LINGO2: variants seen among roughly 807,000 people sequenced by gnomAD.
LINGO2 encodes the protein leucine rich repeat and Ig domain containing 2.
Under a neutral mutation model 30.6 loss-of-function variants are expected in LINGO2, and 14 were observed. The observed-to-expected ratio is 0.46, with a 90% CI of 0.30 to 0.72. LINGO2 has a LOEUF of 0.72. LINGO2 is among the 30% of genes least tolerant of loss of function. LINGO2 has a pLI of 0.07. For missense variants in LINGO2, 729 were observed against 751.7 expected, an observed-to-expected ratio of 0.97 and a Z score of 0.35; for synonymous variants, 317 against 288.5, an observed-to-expected ratio of 1.10 and a Z score of -1.00.
chr9:28,375,961 G>A (rs902050690), intron 2 of LINGO2, among the ~76,000 whole-genome samples: 2 of 152,064 alleles, frequency 1.3e-5, no homozygotes, highest in African/African-American at 2.4e-5. Context: ...AAGGAGAAGC[G>A]TCACTCTCTT....
At chr9:29,175,649 C>A in the LINGO2 span, among the ~76,000 whole-genome samples, 1 of 151,130 alleles carries the variant, frequency 6.6e-6, no homozygotes, top group Non-Finnish European at 1.5e-5. Flanking sequence ...GTCTCAGTCT[C>A]CTGAGTAGCT....
chr9:28,692,303 C>G, the LINGO2 span, among the ~76,000 whole-genome samples: 13 of 151,740 alleles, frequency 8.6e-5, no homozygotes, highest in Non-Finnish European at 1.9e-4. Context: ...GGTGAAACCC[C>G]GTCTCTACTA....
downstream of LINGO2, chr9:27,943,580 C>T (rs990214042): frequency 1.3e-5 from 2 of 148,998 alleles, no homozygotes; most frequent in Non-Finnish European, 3.0e-5. Context: ...AATGGTAAGT[C>T]TTAACTTTTA....
At chr9:28,773,103 C>T in the LINGO2 span, among the ~76,000 whole-genome samples, 9 of 152,168 alleles carry the variant, frequency 5.9e-5, no homozygotes, top group Non-Finnish European at 1.2e-4. Flanking sequence ...CGGTGGCTCA[C>T]ACCTGAAATC....
At chr9:28,531,134 A>C (rs1821223313) in intron 1 of LINGO2, among the ~76,000 whole-genome samples, 1 of 151,182 alleles carries the variant, frequency 6.6e-6, no homozygotes, top group South Asian at 2.1e-4. Flanking sequence ...CAGTAACTGA[A>C]ATAATTAAAA....
the LINGO2 span, among the ~76,000 whole-genome samples, chr9:28,699,070 A>AACAAAACAAAACAAC: frequency 9.9e-5 from 15 of 151,688 alleles, no homozygotes; most frequent in African/African-American, 3.4e-4. Flanking sequence ...AACAAAACAA[A>AACAAAACAAAACAAC]ACAACAAAAA....
the LINGO2 span, among the ~76,000 whole-genome samples, chr9:29,079,768 C>A: frequency 1.3e-5 from 2 of 149,704 alleles, no homozygotes; most frequent in African/African-American, 5.0e-5. Context: ...CCAAAGACAC[C>A]CTGTAGTGCA....
intron 4 of LINGO2, among the ~76,000 whole-genome samples, chr9:28,292,889 G>T (rs10968443): frequency 1.3e-5 from 2 of 151,946 alleles, no homozygotes; most frequent in South Asian, 4.2e-4. Context: ...TCCTGTCTCA[G>T]CCTCCTGAGT....
At chr9:28,185,195 A>G (rs1819498937) in intron 4 of LINGO2, among the ~76,000 whole-genome samples, 1 of 152,174 alleles carries the variant, frequency 6.6e-6, no homozygotes, top group Non-Finnish European at 1.5e-5. Context: ...TGGTAGTGCT[A>G]ACACAGTCAA....
chr9:29,137,622 C>T, the LINGO2 span, among the ~76,000 whole-genome samples: 3 of 152,086 alleles, frequency 2.0e-5, no homozygotes, highest in African/African-American at 4.8e-5. Flanking sequence ...ATTTGTTCTA[C>T]AACATAATAA....
the LINGO2 span, among the ~76,000 whole-genome samples, chr9:29,166,954 G>C: frequency 6.6e-6 from 1 of 151,968 alleles, no homozygotes; most frequent in Admixed American, 6.6e-5. Context: ...ATGAGAAAGA[G>C]GGCTCACTTT....
At chr9:28,101,998 C>G (rs1210572157) in intron 4 of LINGO2, among the ~76,000 whole-genome samples, 1 of 152,106 alleles carries the variant, frequency 6.6e-6, no homozygotes, top group East Asian at 1.9e-4. Flanking sequence ...ATATAAGCTT[C>G]TGCCTTCCAA....
the LINGO2 span, among the ~76,000 whole-genome samples, chr9:28,922,889 T>C: frequency 1.3e-5 from 2 of 152,150 alleles, no homozygotes; most frequent in Non-Finnish European, 2.9e-5. Context: ...GATGGAGAGA[T>C]TATTTTGGAC....
chr9:27,982,860 G>A (rs1461334638), intron 5 of LINGO2, among the ~76,000 whole-genome samples: 1 of 151,758 alleles, frequency 6.6e-6, no homozygotes, highest in Non-Finnish European at 1.5e-5. Flanking sequence ...CACAATGGTT[G>A]AGGGGAGTTA....
intron 4 of LINGO2, among the ~76,000 whole-genome samples, chr9:28,096,551 G>A (rs892271228): frequency 1.3e-5 from 2 of 152,144 alleles, no homozygotes; most frequent in African/African-American, 4.8e-5. Flanking sequence ...AAGACAGAAA[G>A]TATTGGCTTT....
intron 1 of LINGO2, among the ~76,000 whole-genome samples, chr9:28,657,359 A>C (rs747371932): frequency 3.3e-5 from 5 of 152,108 alleles, no homozygotes; most frequent in Non-Finnish European, 5.9e-5. Context: ...AAAATTTACC[A>C]GTGCAGTCAT....
chr9:28,002,846 G>C (rs1822031576), intron 5 of LINGO2, among the ~76,000 whole-genome samples: 1 of 152,098 alleles, frequency 6.6e-6, no homozygotes, highest in Non-Finnish European at 1.5e-5. Flanking sequence ...AGATGTGCAT[G>C]TTAGCTGCGT....
intron 1 of LINGO2, among the ~76,000 whole-genome samples, chr9:28,510,630 G>T (rs1391550002): frequency 6.6e-6 from 1 of 151,800 alleles, no homozygotes; most frequent in African/African-American, 2.4e-5. Flanking sequence ...ATCCACATAT[G>T]AATGGCCTGT....
intron 1 of LINGO2, among the ~76,000 whole-genome samples, chr9:28,590,858 T>G (rs1031362934): frequency 1.3e-5 from 2 of 152,040 alleles, no homozygotes; most frequent in African/African-American, 4.8e-5. Context: ...TACATGCACA[T>G]GTATGTTTAT....
Sources: allele counts gnomAD v4.1 joint callset (sites outside exome capture counted in the v4.1 genomes callset), GRCh38; gene constraint gnomAD v4.1.1; transcripts MANE v1.5; gene names NCBI Gene and HGNC (gene_info 2026-07-23, HGNC 2026-07-21).